Variants in EPHA6 observed in about 807,000 individuals in gnomAD.
EPHA6 encodes EPH receptor A6.
EPHA6 carries 50 observed loss-of-function variants against 112.0 expected under a neutral mutation model. That is an observed-to-expected ratio of 0.45 (90% CI 0.36 to 0.56). The LOEUF (loss-of-function observed/expected upper bound fraction) is 0.56, where lower values mean the gene tolerates loss of function less well. Ranked by LOEUF, EPHA6 falls within the 20% of genes least tolerant of loss-of-function variation. EPHA6 has a pLI of 0.00. For synonymous variants in EPHA6, 529 were observed against 490.7 expected, an observed-to-expected ratio of 1.08 and a Z score of -1.03; for missense variants, 1,280 against 1,417.4, an observed-to-expected ratio of 0.90 and a Z score of 1.56.
intron 5 of EPHA6, among the ~76,000 whole-genome samples, chr3:97,401,262 AT>A (rs2086974901): frequency 6.6e-6 from 1 of 151,676 alleles, no homozygotes; most frequent in African/African-American, 2.4e-5. Flanking sequence ...AAATGAATTA[AT>A]TTGGTGAATT....
chr3:97,498,497 A>G (rs2092037810), intron 10 of EPHA6, among the ~76,000 whole-genome samples: 1 of 152,128 alleles, frequency 6.6e-6, no homozygotes, highest in Non-Finnish European at 1.5e-5. Flanking sequence ...ATAAAGGGGT[A>G]GGGAAGAGAG....
At chr3:97,641,131 G>A (rs1053478678) in intron 14 of EPHA6, among the ~76,000 whole-genome samples, 2 of 152,064 alleles carry the variant, frequency 1.3e-5, no homozygotes, top group South Asian at 2.1e-4. Context: ...CTGGCTAATG[G>A]TATTAGATTA....
In EPHA6 at chr3:97,637,909, G is replaced by A. The variant is rs547530661; in HGVS notation, c.2611G>A (p.Gly871Arg). Residue 871 changes from glycine (G) to arginine (R), a missense_variant, in exon 14 of 18, where the codon GGA becomes AGA. This residue lies in a region of EPHA6 where 878 missense variants were observed against 999.7 expected (regional missense o/e 0.88). Coordinates refer to ENST00000389672, the MANE Select transcript of EPHA6 (RefSeq NM_001080448.3). ...CCACTTCACAGTCATCCAGTTGGTC[G>A]GAATGCTCCGAGGCATTGCATCAGG... ...DGHFTVIQLV[G>R]MLRGIASGMK... The A allele has an allele frequency of 1.1e-5, 18 of 1,613,844 alleles. No homozygotes were observed. Among genetic ancestry groups the A allele is most frequent in the African/African-American group, 2.7e-5 (2 of 75,034 alleles).
At chr3:97,633,473 TC>T (rs1175903559) in intron 13 of EPHA6, among the ~76,000 whole-genome samples, 6 of 152,092 alleles carry the variant, frequency 3.9e-5, no homozygotes, top group Non-Finnish European at 5.9e-5. Context: ...ATATTAAATC[TC>T]AGTGCTCTCA....
chr3:97,393,745 C>T (rs182375485), intron 5 of EPHA6, among the ~76,000 whole-genome samples: 2 of 151,820 alleles, frequency 1.3e-5, no homozygotes, highest in African/African-American at 4.8e-5. Context: ...CCACTACCCT[C>T]TTCAGACTCT....
chr3:96,886,913 T>G (rs1278960293), intron 2 of EPHA6, among the ~76,000 whole-genome samples: 2 of 152,176 alleles, frequency 1.3e-5, no homozygotes, highest in Non-Finnish European at 2.9e-5. Context: ...TTTCTAAAAG[T>G]GTGTCCAAAG....
At chr3:97,588,653 CACTA>C (rs1414092178) in intron 11 of EPHA6, among the ~76,000 whole-genome samples, 3 of 152,136 alleles carry the variant, frequency 2.0e-5, no homozygotes, top group African/African-American at 4.8e-5. Context: ...TTTAAAGAAA[CACTA>C]AGACTGCTAA....
chr3:97,677,721 TAAAAAAAAAAA>T lies in EPHA6; in HGVS notation c.2784+39653_2784+39663del, dbSNP rs34686159. ...GGACAACAAGAACGAAACTCCATCTTAAAAAAAAAAAAAAAAAAAAAAAAGATGTGGTTGTT... is the reference window on the plus strand; with the variant it reads ...GGACAACAAGAACGAAACTCCATCTTAAAAAAAAAAAAAGATGTGGTTGTT... On this transcript the variant is annotated intron_variant, in intron 14 of 17. Coordinates refer to ENST00000389672, the MANE Select transcript of EPHA6 (RefSeq NM_001080448.3). 1.5e-4 allele frequency among the ~76,000 whole-genome samples: 14 copies of T among 92,802 alleles called. No homozygotes were observed. In the South Asian group the frequency reaches 4.8e-3, roughly 32 times the overall value. The allele number at this position is 92,802 out of a possible 152,430, so 60.9% of individuals were successfully genotyped here.
intron 4 of EPHA6, among the ~76,000 whole-genome samples, chr3:97,234,643 A>G (rs926373539): frequency 4.6e-5 from 7 of 151,652 alleles, no homozygotes; most frequent in Non-Finnish European, 8.8e-5. Flanking sequence ...TCTCCGTTTC[A>G]CCCTCCTAAT....
intron 5 of EPHA6, among the ~76,000 whole-genome samples, chr3:97,399,907 G>A (rs980640870): frequency 2.6e-5 from 4 of 151,350 alleles, no homozygotes; most frequent in African/African-American, 7.3e-5. Flanking sequence ...ACTCTTGATT[G>A]TTTTCTTTGC....
chr3:97,175,355 G>A (rs2076808340), intron 3 of EPHA6, among the ~76,000 whole-genome samples: 1 of 151,854 alleles, frequency 6.6e-6, no homozygotes, highest in African/African-American at 2.4e-5. Flanking sequence ...TGTTCTTTAT[G>A]CTTAGGATAG....
rs1419629483 is a variant in EPHA6 at position 97,750,528 on chromosome 3, T to G, written c.*1827T>G. On this transcript the variant is annotated 3_prime_UTR_variant, in exon 18 of 18. Transcript: ENST00000389672. ...CCTGCCACCACTCCCGGCTAATTTT[T>G]GTATTTTTAGTAGAGACGGGGTTTC... 1.3e-5 allele frequency among the ~76,000 whole-genome samples: 2 copies of G among 152,046 alleles called. No individual in the cohort carries two copies. Among genetic ancestry groups the G allele is most frequent in the Non-Finnish European group, 2.9e-5 (2 of 67,992 alleles).
intron 14 of EPHA6, among the ~76,000 whole-genome samples, chr3:97,678,663 G>C (rs1380351249): frequency 1.3e-5 from 2 of 152,120 alleles, no homozygotes. Context: ...GAGAGGTAAA[G>C]TCTTCTGTAT....
At chr3:97,473,084 A>G (rs1454492954) in intron 7 of EPHA6, among the ~76,000 whole-genome samples, 1 of 151,766 alleles carries the variant, frequency 6.6e-6, no homozygotes, top group African/African-American at 2.4e-5. Flanking sequence ...GTTGAAGATG[A>G]TAATGTTGAT....
chr3:97,245,045 A>C (rs535973606), intron 5 of EPHA6, among the ~76,000 whole-genome samples: 1 of 152,060 alleles, frequency 6.6e-6, no homozygotes, highest in African/African-American at 2.4e-5. Flanking sequence ...TGGGCACACA[A>C]GTTATTGCCT....
chr3:96,950,278 T>A (rs2041468913), intron 2 of EPHA6, among the ~76,000 whole-genome samples: 1 of 152,114 alleles, frequency 6.6e-6, no homozygotes. Context: ...TCTTGGATTG[T>A]CCAAGACTAC....
intron 2 of EPHA6, among the ~76,000 whole-genome samples, chr3:96,936,523 CT>C (rs1163274815): frequency 2.7e-5 from 4 of 150,804 alleles, no homozygotes; most frequent in Admixed American, 1.3e-4. Context: ...TTCTGTAATT[CT>C]TTTTGTTCTG....
At chr3:97,100,100 G>T (rs2047358771) in intron 3 of EPHA6, among the ~76,000 whole-genome samples, 1 of 151,844 alleles carries the variant, frequency 6.6e-6, no homozygotes, top group Admixed American at 6.6e-5. Context: ...ACTCTACTAT[G>T]AATGCAGGAG....
intron 2 of EPHA6, among the ~76,000 whole-genome samples, chr3:96,960,136 A>G (rs1283641994): frequency 6.6e-6 from 1 of 152,110 alleles, no homozygotes; most frequent in Non-Finnish European, 1.5e-5. Context: ...GTATTTGTGA[A>G]CCAGTTCTTT....
Sources: gnomAD v4.1 joint callset for allele counts (sites outside exome capture counted in the v4.1 genomes callset) on GRCh38, gnomAD v4.1.1 for gene constraint, gnomAD v4.1.1 regional missense constraint, MANE v1.5 for transcripts, NCBI Gene and HGNC (gene_info 2026-07-23, HGNC 2026-07-21) for gene names.